The following BLK variants were observed in gnomAD, a reference collection of about 807,000 sequenced individuals.
The protein encoded by BLK is BLK proto-oncogene, Src family tyrosine kinase, also known as tyrosine-protein kinase Blk.
BLK carries 64 observed loss-of-function variants against 61.8 expected under a neutral mutation model. The observed-to-expected ratio is 1.03, with a 90% CI of 0.85 to 1.27. The LOEUF (loss-of-function observed/expected upper bound fraction) is 1.27, where lower values mean the gene tolerates loss of function less well. Ranked by LOEUF, BLK falls within the 50% of genes most tolerant of loss-of-function variation. BLK has a pLI of 0.00. For missense variants in BLK, 853 were observed against 660.5 expected, an observed-to-expected ratio of 1.29 and a Z score of -3.19; for synonymous variants, 351 against 272.0, an observed-to-expected ratio of 1.29 and a Z score of -2.86.
rs1016775616 is a variant in BLK at position 11,564,243 on chromosome 8, A to T, written c.*135A>T. On this transcript the variant is annotated 3_prime_UTR_variant, in exon 13 of 13. Coordinates refer to ENST00000259089, the MANE Select transcript of BLK (RefSeq NM_001715.3). ...GACCCGGAATCCAGTGGGCAGAGGCAGCTTCGCAGGGGGTCCCCGGACGGA... is the reference window on the plus strand; with the variant it reads ...GACCCGGAATCCAGTGGGCAGAGGCTGCTTCGCAGGGGGTCCCCGGACGGA... 7.2e-6 allele frequency: 8 copies of T among 1,111,194 alleles called. No homozygotes were observed. The East Asian group carries it at 1.8e-4, about 25-fold the overall frequency. The allele number at this position is 1,111,194 out of a possible 1,614,324, so 68.8% of individuals were successfully genotyped here. A position where few individuals can be genotyped will look rare whatever the true frequency, so the allele number is the denominator to read the frequency against.
At chr8:11,495,427 G>C (rs1298256960) in intron 1 of BLK, among the ~76,000 whole-genome samples, 1 of 152,330 alleles carries the variant, frequency 6.6e-6, no homozygotes, top group African/African-American at 2.4e-5. Context: ...GGGAGAAATA[G>C]TAGCTCTGTA....
intron 1 of BLK, among the ~76,000 whole-genome samples, chr8:11,503,057 C>G (rs1312313461): frequency 6.6e-6 from 1 of 152,212 alleles, no homozygotes; most frequent in Non-Finnish European, 1.5e-5. Flanking sequence ...CTGCTGGCCT[C>G]TTTGCACAGA....
At chr8:11,527,649 C>T (rs909113401) in intron 1 of BLK, among the ~76,000 whole-genome samples, 17 of 151,690 alleles carry the variant, frequency 1.1e-4, no homozygotes, top group Admixed American at 7.9e-4. Context: ...TAAAAGAAAT[C>T]GTAGGGGTGT....
At chr8:11,547,017 T>C (rs981238585) in intron 3 of BLK, among the ~76,000 whole-genome samples, 3 of 152,198 alleles carry the variant, frequency 2.0e-5, no homozygotes, top group East Asian at 1.9e-4. Flanking sequence ...AGCCTCCTCA[T>C]CATCCATGTC....
chr8:11,554,472 G>C (rs1801089500), intron 6 of BLK, among the ~76,000 whole-genome samples: 1 of 152,168 alleles, frequency 6.6e-6, no homozygotes, highest in East Asian at 1.9e-4. Flanking sequence ...CTGAGAAACT[G>C]TGCTGCCTGC....
At chr8:11,522,749 A>G (rs1266462635) in intron 1 of BLK, among the ~76,000 whole-genome samples, 3 of 152,180 alleles carry the variant, frequency 2.0e-5, no homozygotes, top group African/African-American at 7.2e-5. Flanking sequence ...CTGAAAAAAA[A>G]AGCAAGTTGC....
intron 1 of BLK, among the ~76,000 whole-genome samples, chr8:11,531,566 T>G (rs1454985777): frequency 6.6e-6 from 1 of 152,228 alleles, no homozygotes; most frequent in Non-Finnish European, 1.5e-5. Flanking sequence ...TACCTTGGTG[T>G]GGTTTTCTTC....
chr8:11,545,899 G>C lies in BLK; in HGVS notation c.124-153G>C. ...AGGGTAGTGCTGGTCCCTGGGTACAGAATGTCCCTGAGCAGCCCCCACAGG... is the reference window on the plus strand; with the variant it reads ...AGGGTAGTGCTGGTCCCTGGGTACACAATGTCCCTGAGCAGCCCCCACAGG... On this transcript the variant is annotated intron_variant, in intron 2 of 12. Transcript: ENST00000259089. 2.4e-6 allele frequency: 2 copies of C among 831,770 alleles called. 1 individual carries two copies. 51.5% of individuals were successfully genotyped at this position (831,770 alleles called of 1,614,324 possible). A position where few individuals can be genotyped will look rare whatever the true frequency, so the allele number is the denominator to read the frequency against.
chr8:11,540,214 TGAG>T (rs1800315555), intron 1 of BLK, among the ~76,000 whole-genome samples: 1 of 152,182 alleles, frequency 6.6e-6, no homozygotes. Flanking sequence ...TAATATCATG[TGAG>T]GTAGGGGTTC....
chr8:11,561,583 A>T, intron 11 of BLK, 131 bp downstream of exon 11: 1 of 1,236,548 alleles, frequency 8.1e-7, no homozygotes, highest in East Asian at 2.5e-5. Flanking sequence ...CTACAGCTCT[A>T]GATCAGCATT....
At chr8:11,514,444 G>A (rs937034459) in intron 1 of BLK, among the ~76,000 whole-genome samples, 1 of 152,250 alleles carries the variant, frequency 6.6e-6, no homozygotes, top group Non-Finnish European at 1.5e-5. Flanking sequence ...GGGATCTGAG[G>A]CCCAGCAGGC....
chr8:11,518,477 C>A lies in BLK; in HGVS notation c.-2+23886C>A, dbSNP rs539047856. 3.3e-5 allele frequency among the ~76,000 whole-genome samples: 5 copies of A among 152,232 alleles called. No homozygotes were observed. The South Asian group carries it at 1.0e-3, about 32-fold the overall frequency. ...TCTTTGGGAGGATTGAGGGGTGTCT[C>A]TCTCCCTTGCACCTCTGAAGGTCAC... On this transcript the variant is annotated intron_variant, in intron 1 of 12. Transcript: ENST00000259089.
At chr8:11,545,987 C>A in intron 2 of BLK, 65 bp from the exon 3 acceptor site, 2 of 1,564,448 alleles carry the variant, frequency 1.3e-6, no homozygotes, top group Non-Finnish European at 1.8e-6. Context: ...TCAGCAGTCT[C>A]AACCCCCAGG....
intron 12 of BLK, among the ~76,000 whole-genome samples, chr8:11,563,353 A>G (rs1030543202): frequency 2.6e-5 from 4 of 152,242 alleles, no homozygotes; most frequent in African/African-American, 7.2e-5. Flanking sequence ...ACTGAAATCA[A>G]GACAAAGGGC....
chr8:11,544,321 C>T (rs1317496293), intron 2 of BLK, among the ~76,000 whole-genome samples: 1 of 152,062 alleles, frequency 6.6e-6, no homozygotes, highest in East Asian at 1.9e-4. Flanking sequence ...ACCAGTGACC[C>T]CCTTTTGGTT....
intron 1 of BLK, among the ~76,000 whole-genome samples, chr8:11,534,685 A>C (rs1488523514): frequency 6.6e-6 from 1 of 152,194 alleles, no homozygotes; most frequent in African/African-American, 2.4e-5. Flanking sequence ...AAAAATTGAA[A>C]TGGCCACATA....
intron 1 of BLK, among the ~76,000 whole-genome samples, chr8:11,528,564 G>C (rs1442898766): frequency 1.3e-5 from 2 of 152,120 alleles, no homozygotes; most frequent in African/African-American, 4.8e-5. Flanking sequence ...GATGAGAAAA[G>C]GCTAATGATT....
chr8:11,553,755 C>T (rs1801035242), intron 6 of BLK, among the ~76,000 whole-genome samples: 1 of 152,112 alleles, frequency 6.6e-6, no homozygotes, highest in African/African-American at 2.4e-5. Context: ...TGGCGTACGC[C>T]TCTGGGTGTC....
chr8:11,524,911 T>C (rs1799593196), intron 1 of BLK, among the ~76,000 whole-genome samples: 1 of 133,322 alleles, frequency 7.5e-6, no homozygotes, highest in African/African-American at 2.8e-5. Flanking sequence ...CCCATTTTGC[T>C]TTTTTACAAA....
Sources: allele counts gnomAD v4.1 joint callset (sites outside exome capture counted in the v4.1 genomes callset), GRCh38; gene constraint gnomAD v4.1.1; transcripts MANE v1.5; gene names NCBI Gene and HGNC (gene_info 2026-07-23, HGNC 2026-07-21).